Variants in HSD17B4 observed in about 807,000 individuals in gnomAD.
HSD17B4 encodes the protein hydroxysteroid 17-beta dehydrogenase 4.
A neutral mutation model predicts 101.0 loss-of-function variants in HSD17B4; 70 were observed. That is an observed-to-expected ratio of 0.69 (90% CI 0.57 to 0.85). HSD17B4 has a LOEUF of 0.85. Ranked by LOEUF, HSD17B4 falls within the 40% of genes least tolerant of loss-of-function variation. HSD17B4 has a pLI of 0.00. For synonymous variants in HSD17B4, 347 were observed against 297.1 expected (o/e 1.17, Z -1.73); for missense variants, 984 against 892.4 (o/e 1.10, Z -1.31).
At chr5:119,534,802 C>T (rs1226357168) in intron 22 of HSD17B4, among the ~76,000 whole-genome samples, 1 of 152,050 alleles carries the variant, frequency 6.6e-6, no homozygotes, top group African/African-American at 2.4e-5. Flanking sequence ...ACTCTCTATT[C>T]CCAAAGCAAC....
chr5:119,491,445 C>T (rs1750094089), intron 9 of HSD17B4, among the ~76,000 whole-genome samples: 1 of 146,674 alleles, frequency 6.8e-6, no homozygotes, highest in Non-Finnish European at 1.5e-5. Flanking sequence ...ATTTTCTTTA[C>T]ATCAGACTCA....
At chr5:119,512,096 G>A (rs542699105) in intron 16 of HSD17B4, among the ~76,000 whole-genome samples, 1 of 152,284 alleles carries the variant, frequency 6.6e-6, no homozygotes, top group African/African-American at 2.4e-5. Flanking sequence ...AGGGCCAAAT[G>A]TAGATTTGAC....
intron 22 of HSD17B4, 70 bp downstream of exon 22, chr5:119,531,474 T>A: frequency 6.8e-7 from 1 of 1,468,954 alleles, no homozygotes. Flanking sequence ...TTTTAACAAT[T>A]AAAGACCTTT....
chr5:119,513,960 C>G (rs1752390906), intron 16 of HSD17B4, among the ~76,000 whole-genome samples: 1 of 152,016 alleles, frequency 6.6e-6, no homozygotes, highest in South Asian at 2.1e-4. Context: ...TCAGGCAGCC[C>G]TCAGAATCAA....
intron 16 of HSD17B4, among the ~76,000 whole-genome samples, chr5:119,512,958 T>G (rs1752306499): frequency 6.6e-6 from 1 of 152,176 alleles, no homozygotes; most frequent in African/African-American, 2.4e-5. Flanking sequence ...ATTTTACATT[T>G]TAAAGAGGTG....
At chr5:119,494,376 T>TCTTCCTTTCTTC (rs1554064704) in intron 11 of HSD17B4, among the ~76,000 whole-genome samples, 1 of 150,634 alleles carries the variant, frequency 6.6e-6, no homozygotes, top group African/African-American at 2.5e-5. Flanking sequence ...TTTCTTTCTT[T>TCTTCCTTTCTTC]CTTTCTTTCT....
At chr5:119,461,051 C>A (rs1247864371) in intron 2 of HSD17B4, among the ~76,000 whole-genome samples, 1 of 152,048 alleles carries the variant, frequency 6.6e-6, no homozygotes. Context: ...TCCTAGAAGG[C>A]CAGATCACAT....
intron 2 of HSD17B4, 53 bp from the exon 3 acceptor site, chr5:119,473,855 C>G: frequency 2.0e-6 from 2 of 991,096 alleles, no homozygotes; most frequent in South Asian, 2.6e-5. Flanking sequence ...CACACACACA[C>G]ATTTTGAAAG....
chr5:119,471,770 C>A, intron 2 of HSD17B4: 1 of 788,818 alleles, frequency 1.3e-6, no homozygotes, highest in Non-Finnish European at 2.0e-6. Flanking sequence ...TTAGTTTTTG[C>A]ATGTTATTTT....
At chr5:119,514,423 G>T (rs1752434855) in intron 16 of HSD17B4, among the ~76,000 whole-genome samples, 1 of 152,064 alleles carries the variant, frequency 6.6e-6, no homozygotes, top group African/African-American at 2.4e-5. Context: ...AATTTTTTAT[G>T]TTTACTTTGG....
intron 12 of HSD17B4, among the ~76,000 whole-genome samples, chr5:119,498,741 A>G (rs2257901): frequency 0.62 from 94,787 of 151,916 alleles, 30,119 homozygotes; most frequent in East Asian, 0.92. Flanking sequence ...TTAGCCAGGC[A>G]TGGTGGCACG....
chr5:119,514,251 G>A (rs565710152), intron 16 of HSD17B4, among the ~76,000 whole-genome samples: 72 of 152,060 alleles, frequency 4.7e-4, no homozygotes, highest in African/African-American at 1.7e-3. Flanking sequence ...GATAAGTTTG[G>A]GAATATATCT....
chr5:119,533,933 A>G (rs1754331086), intron 22 of HSD17B4, among the ~76,000 whole-genome samples: 2 of 152,120 alleles, frequency 1.3e-5, no homozygotes, highest in Non-Finnish European at 2.9e-5. Context: ...GGTTTTAAAT[A>G]TGCAATTTGT....
chr5:119,492,123 A>G lies in HSD17B4; in HGVS notation c.738A>G (p.Lys246=), dbSNP rs1235458878. Residue 246 remains lysine, a splice_region_variant and synonymous_variant, in exon 10 of 24, where the codon AAA becomes AAG. Coordinates refer to ENST00000510025, the MANE Select transcript of HSD17B4 (RefSeq NM_000414.4). ...LFEVGAGWIG[K]LRWERTLGAI... ...AGGTTGGAGCAGGATGGATTGGAAA[A>G]TGTAAGTCTCTCTCAGTTTTTGGTT... is the stretch of plus-strand genomic sequence containing the variant. 2 of 1,606,490 alleles carry G rather than the reference A, an allele frequency of 1.2e-6. No individual in the cohort carries two copies. Among genetic ancestry groups the G allele is most frequent in the African/African-American group, 2.7e-5 (2 of 74,680 alleles).
At chr5:119,480,923 C>T (rs1749068917) in intron 8 of HSD17B4, among the ~76,000 whole-genome samples, 1 of 152,178 alleles carries the variant, frequency 6.6e-6, no homozygotes, top group Non-Finnish European at 1.5e-5. Context: ...AATAATGGCT[C>T]TGTTCTGCTC....
At chr5:119,481,105 C>T (rs921003235) in intron 8 of HSD17B4, among the ~76,000 whole-genome samples, 7 of 152,142 alleles carry the variant, frequency 4.6e-5, no homozygotes, top group East Asian at 1.9e-4. Context: ...ACATCCTCCT[C>T]GGCTGACAGG....
chr5:119,479,700 C>T (rs186108147), intron 8 of HSD17B4, among the ~76,000 whole-genome samples: 1 of 152,136 alleles, frequency 6.6e-6, no homozygotes, highest in East Asian at 1.9e-4. Flanking sequence ...AGTAATATTC[C>T]GTGGTATGAA....
chr5:119,505,314 G>A (rs1023794561), intron 14 of HSD17B4, among the ~76,000 whole-genome samples: 1 of 151,862 alleles, frequency 6.6e-6, no homozygotes, highest in Non-Finnish European at 1.5e-5. Context: ...GAACAGCATT[G>A]AATCTGCAGA....
chr5:119,492,214 A>T, intron 10 of HSD17B4, 90 bp downstream of exon 10: 1 of 913,492 alleles, frequency 1.1e-6, no homozygotes, highest in South Asian at 1.3e-5. Context: ...TTTTTGTCAA[A>T]TGCCTAACCA....
Sources: allele counts gnomAD v4.1 joint callset (sites outside exome capture counted in the v4.1 genomes callset), GRCh38; gene constraint gnomAD v4.1.1; transcripts MANE v1.5; gene names NCBI Gene and HGNC (gene_info 2026-07-23, HGNC 2026-07-21).